Variants in RBMX observed in about 807,000 individuals in gnomAD.
The protein encoded by RBMX is RNA binding motif protein X-linked, also known as RNA-binding motif protein, X chromosome.
RBMX carries 1 observed loss-of-function variant against 29.3 expected under a neutral mutation model. That is an observed-to-expected ratio of 0.03 (90% CI 0.01 to 0.16). The LOEUF (loss-of-function observed/expected upper bound fraction) is 0.16, where lower values mean the gene tolerates loss of function less well. RBMX is among the 10% of genes least tolerant of loss of function. The probability of loss-of-function intolerance (pLI) is 1.00; values close to 1 mark genes in which losing one functional copy is unlikely to be tolerated. For missense variants in RBMX, 121 were observed against 333.2 expected, an observed-to-expected ratio of 0.36 and a Z score of 4.96; for synonymous variants, 102 against 102.3, an observed-to-expected ratio of 1.00 and a Z score of 0.02.
intron 1 of RBMX, 89 bp downstream of exon 1, chrX:136,880,508 C>T (rs2148714933): frequency 8.9e-6 from 1 of 111,772 alleles, no homozygotes; most frequent in African/African-American, 3.2e-5. Context: ...AAATGGCGCC[C>T]GCCACCCCCA....
At chrX:136,872,566 T>C (rs970118348), downstream of RBMX, 1 of 407,021 alleles carries the variant, frequency 2.5e-6, no homozygotes, top group Non-Finnish European at 4.3e-6. Context: ...TGGATTGTCA[T>C]TCTGTTCCAA....
Position 136,875,243 on chromosome X carries a change from A to G in RBMX, c.782+15T>C, listed in dbSNP as rs1474803373. ...ACTTTTCTTACATGTAAGCCACAGAAGCAAAGTCACTTACCTATATCCTCT... is the reference window on the plus strand; with the variant it reads ...ACTTTTCTTACATGTAAGCCACAGAGGCAAAGTCACTTACCTATATCCTCT... On this transcript the variant is annotated intron_variant, in intron 7 of 8. Transcript: ENST00000320676. The G allele has an allele frequency of 8.3e-7, 1 of 1,211,276 alleles. No homozygotes were observed. The highest frequency in any genetic ancestry group is 1.1e-6 in the Non-Finnish European group (1 of 895,211).
Position 136,873,980 on chromosome X carries a change from T to C in RBMX, c.*162A>G, listed in dbSNP as rs2077702331. 1 of 1,086,651 alleles carries C rather than the reference T, an allele frequency of 9.2e-7. No homozygotes were observed. Among genetic ancestry groups the C allele is most frequent in the Non-Finnish European group, 1.2e-6 (1 of 836,635 alleles). The allele number at this position is 1,086,651 out of a possible 1,213,427, so 89.6% of individuals were successfully genotyped here. A position where few individuals can be genotyped will look rare whatever the true frequency, so the allele number is the denominator to read the frequency against. On this transcript the variant is annotated 3_prime_UTR_variant, in exon 9 of 9. Coordinates refer to ENST00000320676, the MANE Select transcript of RBMX (RefSeq NM_002139.4). The stretch of plus-strand genomic sequence containing the variant: ...AAATAAAATTAAACATGTTTTACTT[T>C]TTTCCTCACAAGAACATAAAAATTA...
intron 1 of RBMX, among the ~76,000 whole-genome samples, chrX:136,879,676 CT>C (rs886819155): frequency 8.9e-6 from 1 of 112,078 alleles, no homozygotes; most frequent in African/African-American, 3.2e-5. Flanking sequence ...GCCAACTTAA[CT>C]TTTACCACTA....
At chrX:136,879,504 T>C (rs1281050475) in intron 1 of RBMX, 51 bp from the exon 2 acceptor site, 3 of 971,481 alleles carry the variant, frequency 3.1e-6, no homozygotes, top group East Asian at 3.1e-5. Flanking sequence ...CTCAAGTTTA[T>C]TGGACACTTT....
At chrX:136,877,857 G>C (rs778479176) in intron 4 of RBMX, 58 bp downstream of exon 4, 41 of 1,058,169 alleles carry the variant, frequency 3.9e-5, no homozygotes, top group Admixed American at 9.4e-5. Flanking sequence ...CATCCACTTG[G>C]TGTGAGCTTG....
Position 136,880,679 on chromosome X carries a change from G to C in RBMX, c.-109C>G, listed in dbSNP as rs1015238784. 1.1e-5 allele frequency: 1 copy of C among 91,567 alleles called. No homozygotes were observed. Among genetic ancestry groups the C allele is most frequent in the South Asian group, 5.1e-4 (1 of 1,974 alleles). The allele number at this position is 91,567 out of a possible 1,213,427, so 7.5% of individuals were successfully genotyped here. ...AGCTCAGCACCAGTGGCGGCTGCCG[G>C]GTGCGAGGACCGAACCGCGAAGCCG... is the stretch of plus-strand genomic sequence containing the variant. On this transcript the variant is annotated 5_prime_UTR_variant, in exon 1 of 9. Transcript: ENST00000320676.
chrX:136,878,472 G>A (rs754312082), intron 3 of RBMX, among the ~76,000 whole-genome samples: 8 of 110,294 alleles, frequency 7.3e-5, no homozygotes, highest in South Asian at 3.9e-4. Context: ...GCAGTGGCTC[G>A]CAGTGTCTCA....
rs772543560 is a variant in RBMX at position 136,880,612 on chromosome X, G to A, written c.-42C>T. ...AGACACGTACCGGAGGGGTGACAATGGGTTCAAGCTCCAACGAGCTCGGCG... is the reference window on the plus strand; with the variant it reads ...AGACACGTACCGGAGGGGTGACAATAGGTTCAAGCTCCAACGAGCTCGGCG... On this transcript the variant is annotated 5_prime_UTR_variant, in exon 1 of 9. Transcript: ENST00000320676. 2.5e-5 allele frequency: 3 copies of A among 119,705 alleles called. No individual in the cohort carries two copies. The South Asian group carries it at 1.1e-3, about 44-fold the overall frequency. The allele number at this position is 119,705 out of a possible 1,213,427, so 9.9% of individuals were successfully genotyped here.
Position 136,880,721 on chromosome X carries a change from A to C in RBMX, c.-151T>G, listed in dbSNP as rs2077791840. 1 of 118,317 alleles carries C rather than the reference A, an allele frequency of 8.5e-6. No homozygotes were observed. The highest frequency in any genetic ancestry group is 1.9e-5 in the Non-Finnish European group (1 of 53,422). The allele number at this position is 118,317 out of a possible 1,213,427, so 9.8% of individuals were successfully genotyped here. A position where few individuals can be genotyped will look rare whatever the true frequency, so the allele number is the denominator to read the frequency against. The stretch of plus-strand genomic sequence containing the variant: ...GCGAAGCCGCTAGCACTACTGCGCA[A>C]CGAGGGCGAACAAAGGAGACAGCAA... On this transcript the variant is annotated 5_prime_UTR_variant, in exon 1 of 9. Coordinates refer to ENST00000320676, the MANE Select transcript of RBMX (RefSeq NM_002139.4).
Position 136,875,109 on chromosome X carries a change from T to C in RBMX, c.842A>G (p.Tyr281Cys), listed in dbSNP as rs1212759283. 4.1e-6 allele frequency: 5 copies of C among 1,210,221 alleles called. No individual in the cohort carries two copies. Among genetic ancestry groups the C allele is most frequent in the Admixed American group, 4.4e-5 (2 of 45,728 alleles). ...DYSDHPSGGS[Y>C]RDSYESYGNS... ...ACCATAACTCTCATATGAATCTCTGTAGGAACCTCCACTTGGATGATCTGA... is the reference window on the plus strand; with the variant it reads ...ACCATAACTCTCATATGAATCTCTGCAGGAACCTCCACTTGGATGATCTGA... Residue 281 changes from tyrosine (Y) to cysteine (C), a missense_variant, in exon 8 of 9, where the codon TAC becomes TGC. Tyr to Cys is a radical substitution (Grantham distance 194, BLOSUM62 -2). This residue lies in a region of RBMX where 114 missense variants were observed against 260.0 expected (regional missense o/e 0.44). Transcript: ENST00000320676.
At chrX:136,872,242 C>T (rs1053296741), downstream of RBMX, 14 of 1,084,419 alleles carry the variant, frequency 1.3e-5, no homozygotes, top group Admixed American at 1.3e-4. Flanking sequence ...TTTAAACCTT[C>T]AAAGGCCATT....
chrX:136,878,170 T>C, intron 3 of RBMX, 84 bp from the exon 4 acceptor site: 6 of 844,905 alleles, frequency 7.1e-6, no homozygotes, highest in Non-Finnish European at 9.7e-6. Context: ...TAACTGGTCC[T>C]TCAAAATGCA....
chrX:136,875,643 CT>C (rs2077719789), intron 5 of RBMX, 58 bp from the exon 6 acceptor site: 1 of 1,170,306 alleles, frequency 8.5e-7, no homozygotes. Context: ...AAAACGTGAA[CT>C]TACATTCAGG....
downstream of RBMX, chrX:136,872,646 A>G (rs967618464): frequency 4.0e-6 from 1 of 249,350 alleles, no homozygotes; most frequent in Non-Finnish European, 7.1e-6. Flanking sequence ...GTGCAGTATA[A>G]GGATTTTTAG....
chrX:136,876,406 GCCA>G, intron 5 of RBMX, 94 bp downstream of exon 5: 1 of 966,023 alleles, frequency 1.0e-6, no homozygotes, highest in South Asian at 2.8e-5. Context: ...ACGGGCGTGA[GCCA>G]CCACGCCTGG....
chrX:136,869,804 T>C (rs1328150373), downstream of RBMX: 2 of 112,185 alleles, frequency 1.8e-5, no homozygotes, highest in Admixed American at 9.5e-5. Flanking sequence ...ATTATACTAT[T>C]GGCTCTAGTC....
downstream of RBMX, chrX:136,872,490 A>G: frequency 1.9e-6 from 1 of 518,402 alleles, no homozygotes. Context: ...ATTTGTCTTA[A>G]GTGGTGGAAG....
At chrX:136,879,562 ATAAC>A in intron 1 of RBMX, 109 bp from the exon 2 acceptor site, 2 of 677,441 alleles carry the variant, frequency 3.0e-6, no homozygotes, top group South Asian at 5.9e-5. Context: ...TTGTTCCTTA[ATAAC>A]TAAAGAAAAC....
Sources: gnomAD v4.1 joint callset for allele counts (sites outside exome capture counted in the v4.1 genomes callset) on GRCh38, gnomAD v4.1.1 for gene constraint, gnomAD v4.1.1 regional missense constraint, MANE v1.5 for transcripts, NCBI Gene and HGNC (gene_info 2026-07-23, HGNC 2026-07-21) for gene names.